FRMD5: variants seen among roughly 807,000 people sequenced by gnomAD.
The protein encoded by FRMD5 is FERM domain-containing protein 5.
FRMD5 carries 20 observed loss-of-function variants against 69.0 expected under a neutral mutation model. The observed-to-expected ratio is 0.29, with a 90% CI of 0.20 to 0.42. FRMD5 has a LOEUF of 0.42. Ranked by LOEUF, FRMD5 falls within the 10% of genes least tolerant of loss-of-function variation. The probability of loss-of-function intolerance (pLI) is 1.00; values close to 1 mark genes in which losing one functional copy is unlikely to be tolerated. For missense variants in FRMD5, 595 were observed against 708.6 expected, an observed-to-expected ratio of 0.84 and a Z score of 1.82; for synonymous variants, 271 against 260.1, an observed-to-expected ratio of 1.04 and a Z score of -0.40.
chr15:44,185,558 G>C (rs2078084954), intron 1 of FRMD5, among the ~76,000 whole-genome samples: 1 of 152,110 alleles, frequency 6.6e-6, no homozygotes, highest in Admixed American at 6.5e-5. Flanking sequence ...TTGGGAGGCT[G>C]AGGCGGGTGG....
chr15:43,969,762 G>C (rs1048113438), intron 1 of FRMD5, among the ~76,000 whole-genome samples: 5 of 152,184 alleles, frequency 3.3e-5, no homozygotes, highest in African/African-American at 1.2e-4. Flanking sequence ...ACGCCTTTGA[G>C]GGCCTATACT....
chr15:44,170,046 T>C (rs913564862), intron 1 of FRMD5, among the ~76,000 whole-genome samples: 2 of 152,160 alleles, frequency 1.3e-5, no homozygotes, highest in Admixed American at 1.3e-4. Flanking sequence ...AAAGTTTTCT[T>C]CTCAAATACA....
intron 1 of FRMD5, among the ~76,000 whole-genome samples, chr15:44,027,542 C>A (rs1235278754): frequency 1.3e-5 from 2 of 152,112 alleles, no homozygotes; most frequent in African/African-American, 2.4e-5. Context: ...TATTCTGCGA[C>A]CCTTGCAGAA....
intron 1 of FRMD5, chr15:44,194,599 A>C: frequency 5.6e-5 from 19 of 338,228 alleles, no homozygotes; most frequent in Non-Finnish European, 7.7e-5. Context: ...CGGCCGGGCT[A>C]GGAGCCTACC....
chr15:44,000,201 T>C (rs1890150117), intron 1 of FRMD5, among the ~76,000 whole-genome samples: 1 of 151,578 alleles, frequency 6.6e-6, no homozygotes, highest in Non-Finnish European at 1.5e-5. Context: ...TTGCCCAGGG[T>C]GGTCTTGAAT....
chr15:43,926,353 A>C (rs2089585577), intron 1 of FRMD5, among the ~76,000 whole-genome samples: 1 of 152,146 alleles, frequency 6.6e-6, no homozygotes, highest in South Asian at 2.1e-4. Flanking sequence ...TTTTGCATAC[A>C]AATTGAGGTT....
chr15:44,007,496 C>T (rs1890503997), intron 1 of FRMD5, among the ~76,000 whole-genome samples: 1 of 151,900 alleles, frequency 6.6e-6, no homozygotes, highest in South Asian at 2.1e-4. Flanking sequence ...GTTTTTAATC[C>T]CTCAAGTTCT....
intron 1 of FRMD5, among the ~76,000 whole-genome samples, chr15:43,930,645 T>C (rs1231640772): frequency 6.6e-6 from 1 of 152,224 alleles, no homozygotes; most frequent in Non-Finnish European, 1.5e-5. Context: ...AACAACTCCC[T>C]TCTACATGCA....
chr15:44,050,572 G>A (rs1481923765), intron 1 of FRMD5, among the ~76,000 whole-genome samples: 2 of 121,434 alleles, frequency 1.6e-5, no homozygotes, highest in African/African-American at 6.2e-5. Context: ...GTCTTGCTAT[G>A]TTGTCCAGCC....
At chr15:44,077,984 T>C (rs1426360230) in intron 1 of FRMD5, among the ~76,000 whole-genome samples, 2 of 152,098 alleles carry the variant, frequency 1.3e-5, no homozygotes, top group Non-Finnish European at 2.9e-5. Flanking sequence ...TTTATGTCTA[T>C]ATTACATACA....
At chr15:44,191,543 G>A (rs541100106) in intron 1 of FRMD5, among the ~76,000 whole-genome samples, 11 of 151,954 alleles carry the variant, frequency 7.2e-5, no homozygotes, top group East Asian at 1.9e-4. Flanking sequence ...CTTAGATTGC[G>A]CCATTGCACT....
At position 44,075,104 on chromosome 15, in the gene FRMD5, A is replaced by G. The variant is rs76146748; in HGVS notation, c.102+119849T>C. 4.9e-3 allele frequency among the ~76,000 whole-genome samples: 739 copies of G among 152,302 alleles called. 4 individuals are homozygous for G. Among genetic ancestry groups the G allele is most frequent in the Non-Finnish European group, 7.7e-3 (521 of 68,024 alleles). ...TACTTGGCTCTGAATAGTATAAAAT[A>G]GAACATGTTTGCTTCTTCATTCCAC... On this transcript the variant is annotated intron_variant, in intron 1 of 13. Coordinates refer to ENST00000417257, the MANE Select transcript of FRMD5 (RefSeq NM_032892.5).
At chr15:44,165,875 C>G (rs1421073904) in intron 1 of FRMD5, among the ~76,000 whole-genome samples, 4 of 152,174 alleles carry the variant, frequency 2.6e-5, no homozygotes, top group Non-Finnish European at 5.9e-5. Context: ...ATATTTCCCA[C>G]TCAGCCTCTG....
intron 13 of FRMD5, 116 bp downstream of exon 13, chr15:43,883,587 G>A: frequency 1.4e-6 from 1 of 710,400 alleles, no homozygotes; most frequent in Non-Finnish European, 2.4e-6. Flanking sequence ...CTTGCCACTG[G>A]AGGCCCTTTT....
chr15:43,877,778 C>T (rs2088405661), intron 13 of FRMD5, among the ~76,000 whole-genome samples: 1 of 152,216 alleles, frequency 6.6e-6, no homozygotes, highest in Non-Finnish European at 1.5e-5. Flanking sequence ...CTTTCAGTAA[C>T]TCCACAAGGT....
chr15:44,090,200 A>C (rs16959468), intron 1 of FRMD5, among the ~76,000 whole-genome samples: 3,761 of 152,246 alleles, frequency 0.025, 92 homozygotes, highest in South Asian at 0.078. Flanking sequence ...TCCCATTTAT[A>C]AGCTGCAAGG....
chr15:44,191,588 AAAT>A (rs958865363), intron 1 of FRMD5, among the ~76,000 whole-genome samples: 10 of 151,660 alleles, frequency 6.6e-5, no homozygotes, highest in African/African-American at 1.5e-4. Context: ...TCCACCTCAA[AAAT>A]AATAATAATA....
chr15:43,913,069 A>G (rs949472464), intron 4 of FRMD5, among the ~76,000 whole-genome samples: 6 of 151,604 alleles, frequency 4.0e-5, no homozygotes, highest in Admixed American at 6.6e-5. Flanking sequence ...AGGCCCCTTT[A>G]AAGTTTCTGA....
intron 11 of FRMD5, among the ~76,000 whole-genome samples, chr15:43,885,427 C>T (rs1338644157): frequency 6.6e-6 from 1 of 152,216 alleles, no homozygotes; most frequent in East Asian, 1.9e-4. Flanking sequence ...CCACCTGCCT[C>T]AGCCTCCCAG....
Sources: gnomAD v4.1 joint callset for allele counts (sites outside exome capture counted in the v4.1 genomes callset) on GRCh38, gnomAD v4.1.1 for gene constraint, MANE v1.5 for transcripts, NCBI Gene and HGNC (gene_info 2026-07-23, HGNC 2026-07-21) for gene names.